TCHH: variants seen among roughly 807,000 people sequenced by gnomAD.
TCHH encodes trichohyalin.
A neutral mutation model predicts 6.3 loss-of-function variants in TCHH; 6 were observed. The ratio of observed to expected loss-of-function variants is 0.95; its 90% CI spans 0.52 to 1.88. TCHH has a LOEUF of 1.88. Ranked by LOEUF, TCHH falls within the 40% of genes most tolerant of loss-of-function variation. TCHH has a pLI of 0.01. For synonymous variants in TCHH, 1,087 were observed against 963.6 expected (o/e 1.13, Z -2.37); for missense variants, 2,920 against 2,449.1 (o/e 1.19, Z -4.06).
chr1:152,108,159 G>C lies in TCHH; in HGVS notation c.5058C>G (p.Arg1686=), dbSNP rs746027105. The part of the protein sequence containing the change: ...LQEGEEQQLR[R]QERDRKFREE... The stretch of plus-strand genomic sequence containing the variant: ...CGCGGAATTTTCTGTCACGCTCTTG[G>C]CGGCGCAGCTGCTGTTCCTCCCCTT... Residue 1686 remains arginine, a synonymous_variant, in exon 3 of 3, where the codon CGC becomes CGG. Transcript: ENST00000614923. 7 of 1,613,464 alleles carry C rather than the reference G, an allele frequency of 4.3e-6. No individual in the cohort carries two copies. The highest frequency in any genetic ancestry group is 5.9e-6 in the Non-Finnish European group (7 of 1,179,948).
chr1:152,107,659 G>A lies in TCHH; in HGVS notation c.5558C>T (p.Thr1853Met). Reference sequence around the variant, plus strand: ...TTCCTCACGACGACTCTTCTCCTGCGTGGCAAACTGCTCCTCCGCCCGGTA... The same window carrying A: ...TTCCTCACGACGACTCTTCTCCTGCATGGCAAACTGCTCCTCCGCCCGGTA... Reference protein sequence around the residue: ...RQYRAEEQFATQEKSRREEQE... With the variant: ...RQYRAEEQFAMQEKSRREEQE... The change falls in exon 3 of 3, where the codon ACG becomes ATG. Residue 1853 changes from threonine to methionine, a missense_variant. By Grantham distance (81) the Thr-to-Met change is moderately conservative (BLOSUM62 -1). Transcript: ENST00000614923. 6.2e-7 allele frequency: 1 copy of A among 1,613,684 alleles called. No homozygotes were observed. The highest frequency in any genetic ancestry group is 8.5e-7 in the Non-Finnish European group (1 of 1,180,016).
chr1:152,112,766 C>T lies in TCHH; in HGVS notation c.451G>A (p.Gly151Arg), dbSNP rs369999338. Reference protein sequence around the residue: ...RQEQERELAEGEEQSEKQERL... With the variant: ...RQEQERELAEREEQSEKQERL... Reference sequence around the variant, plus strand: ...TCTTGTTTCTCACTTTGCTCCTCTCCCTCAGCTAGCTCCCTCTCCTGTTCC... The same window carrying T: ...TCTTGTTTCTCACTTTGCTCCTCTCTCTCAGCTAGCTCCCTCTCCTGTTCC... The change falls in exon 3 of 3, where the codon GGA becomes AGA. Residue 151 changes from glycine (G) to arginine (R), a missense_variant. Coordinates refer to ENST00000614923, the MANE Select transcript of TCHH (RefSeq NM_007113.4). 1.2e-6 allele frequency: 2 copies of T among 1,613,960 alleles called. No homozygotes were observed. The highest frequency in any genetic ancestry group is 1.3e-5 in the African/African-American group (1 of 74,890).
Position 152,108,981 on chromosome 1 carries a change from G to C in TCHH, c.4236C>G (p.Arg1412=), listed in dbSNP as rs752898011. 1.3e-5 allele frequency: 20 copies of C among 1,565,476 alleles called. No individual in the cohort carries two copies. The highest frequency in any genetic ancestry group is 3.3e-5 in the African/African-American group (2 of 61,438). The change falls in exon 3 of 3, where the codon CGC becomes CGG. Residue 1412 remains arginine, a synonymous_variant. Transcript: ENST00000614923. Reference sequence around the variant, plus strand: ...GTTCCTCCTCGCGGAATTTTCTGTCGCGGTCCTGACGCAGCTGTTGCTCGC... The same window carrying C: ...GTTCCTCCTCGCGGAATTTTCTGTCCCGGTCCTGACGCAGCTGTTGCTCGC... The part of the protein sequence containing the change: ...QEREQQLRQD[R]DRKFREEEQQ...
chr1:152,109,305 T>G lies in TCHH; in HGVS notation c.3912A>C (p.Gln1304His). The G allele has an allele frequency of 1.9e-6, 3 of 1,614,222 alleles. No homozygotes were observed. Among genetic ancestry groups the G allele is most frequent in the Non-Finnish European group, 2.5e-6 (3 of 1,180,040 alleles). The change falls in exon 3 of 3, where the codon CAA becomes CAC. Residue 1304 changes from glutamine (Q) to histidine (H), a missense_variant. Transcript: ENST00000614923. ...TCCTGTCGCGCCTTTTGGCTTCCTT[T>G]TGCTCTTCTCGCTCCAGCTGTTCTT... ...PEEEQLEREE[Q>H]KEAKRRDRKS...
At position 152,107,806 on chromosome 1, in the gene TCHH, C is replaced by T. The variant is rs781211849; in HGVS notation, c.5411G>A (p.Arg1804His). 16 of 1,613,020 alleles carry T rather than the reference C, an allele frequency of 9.9e-6. No homozygotes were observed. Among genetic ancestry groups the T allele is most frequent in the Non-Finnish European group, 1.1e-5 (13 of 1,179,680 alleles). ...CAGCTGCTGTTCTTCCCTCTCCTGG[C>T]GTAGCTGTTCCTCCTCGCGGAATTT... ...DRKFREEEQLRQEREEQQLRP... is the reference protein window; with the variant it reads ...DRKFREEEQLHQEREEQQLRP... The change falls in exon 3 of 3, where the codon CGC (arginine) becomes CAC (histidine). Residue 1804 changes from arginine to histidine, a missense_variant. Transcript: ENST00000614923.
Position 152,108,232 on chromosome 1 carries a change from C to T in TCHH, c.4985G>A (p.Arg1662His). ...LRRQEREQQL[R>H]HDRDRKFREE... is the part of the protein sequence containing the mutation. ...ACGGAATTTTCTGTCGCGGTCGTGACGCAGCTGTTGTTCGCGCTCCTGGCG... is the reference window on the plus strand; with the variant it reads ...ACGGAATTTTCTGTCGCGGTCGTGATGCAGCTGTTGTTCGCGCTCCTGGCG... The change falls in exon 3 of 3, where the codon CGT becomes CAT. Residue 1662 changes from arginine to histidine, a missense_variant. By Grantham distance (29) the Arg-to-His change is conservative (BLOSUM62 0). Coordinates refer to ENST00000614923, the MANE Select transcript of TCHH (RefSeq NM_007113.4). 1.9e-6 allele frequency: 3 copies of T among 1,611,500 alleles called. No homozygotes were observed. The highest frequency in any genetic ancestry group is 1.1e-5 in the South Asian group (1 of 90,876).
In TCHH at chr1:152,108,392, C is replaced by G. The variant is rs918589098; in HGVS notation, c.4825G>C (p.Gly1609Arg). ...CGCTCCTGGCGCAGCTGTTGTTGGCCCTCCTGGCGGCGCAGCTGCTGTTCG... is the reference window on the plus strand; with the variant it reads ...CGCTCCTGGCGCAGCTGTTGTTGGCGCTCCTGGCGGCGCAGCTGCTGTTCG... Reference protein sequence around the residue: ...EDEQQLRRQEGQQQLRQERDR... With the variant: ...EDEQQLRRQERQQQLRQERDR... Residue 1609 changes from glycine (G) to arginine (R), a missense_variant, in exon 3 of 3, where the codon GGC becomes CGC. Coordinates refer to ENST00000614923, the MANE Select transcript of TCHH (RefSeq NM_007113.4). 1.3e-6 allele frequency: 2 copies of G among 1,588,686 alleles called. No individual in the cohort carries two copies. Among genetic ancestry groups the G allele is most frequent in the Non-Finnish European group, 1.7e-6 (2 of 1,169,322 alleles).
At position 152,110,655 on chromosome 1, in the gene TCHH, G is replaced by GTCC. The variant is rs758844690; in HGVS notation, c.2559_2561dup (p.Glu853dup). 7.4e-6 allele frequency: 12 copies of GTCC among 1,612,738 alleles called. No homozygotes were observed. Among genetic ancestry groups the GTCC allele is most frequent in the African/African-American group, 6.7e-5 (5 of 74,562 alleles). On this transcript the variant is annotated inframe_insertion, in exon 3 of 3. Coordinates refer to ENST00000614923, the MANE Select transcript of TCHH (RefSeq NM_007113.4). ...TCCTCTCCTGATCCTCCTGGAGGCCGTCCTCCTCCTCCTGGAGCTGTTGGG... is the reference window on the plus strand; with the variant it reads ...TCCTCTCCTGATCCTCCTGGAGGCCGTCCTCCTCCTCCTCCTGGAGCTGTTGGG...
At position 152,107,477 on chromosome 1, in the gene TCHH, C is replaced by A. The variant is rs775670601; in HGVS notation, c.5740G>T (p.Glu1914Ter). The change falls in exon 3 of 3, where the codon GAG (glutamate) becomes TAG (stop). Residue 1914 changes from glutamate to a stop codon, truncating the protein, a stop_gained. Transcript: ENST00000614923. LOFTEE classifies it high-confidence loss of function. Reference protein sequence around the residue: ...QEGKGHGRLLEPGTHQFASVP... With the variant: ...QEGKGHGRLL ...CTGGCAAACTGATGAGTGCCGGGCT[C>A]CAGAAGCCGCCCATGGCCCTTCCCT... is the stretch of plus-strand genomic sequence containing the variant. 1.2e-6 allele frequency: 2 copies of A among 1,614,150 alleles called. No individual in the cohort carries two copies. The highest frequency in any genetic ancestry group is 1.7e-6 in the Non-Finnish European group (2 of 1,180,006).
At chr1:152,114,336 CT>C (rs1301476589) in intron 1 of TCHH, among the ~76,000 whole-genome samples, 6 of 152,236 alleles carry the variant, frequency 3.9e-5, no homozygotes, top group African/African-American at 1.4e-4. Flanking sequence ...CTGTTGTCAG[CT>C]TTTGATTGTC....
chr1:152,114,846 C>T (rs544825768), intron 1 of TCHH, among the ~76,000 whole-genome samples: 1 of 152,270 alleles, frequency 6.6e-6, no homozygotes, highest in South Asian at 2.1e-4. Flanking sequence ...AAACGGAATC[C>T]AGAAAACTGT....
rs1205226376 is a variant in TCHH, at chr1:152,110,425, C to T, written c.2792G>A (p.Arg931His). ...RRRQEQERQY[R>H]EEEQLQQEEE... ...CTCCTGCTGCAGCTGCTCTTCCTCG[C>T]GGTATTGTCTCTCCTGTTCTTGGCG... Residue 931 changes from arginine (R) to histidine (H), a missense_variant, in exon 3 of 3, where the codon CGC (arginine) becomes CAC (histidine). Arg to His is a conservative substitution (Grantham distance 29). Transcript: ENST00000614923. The T allele has an allele frequency of 6.2e-7, 1 of 1,613,896 alleles. No homozygotes were observed. The highest frequency in any genetic ancestry group is 8.5e-7 in the Non-Finnish European group (1 of 1,179,808).
rs1217548115 is a variant in TCHH, at chr1:152,111,914, C to T, written c.1303G>A (p.Glu435Lys). The change falls in exon 3 of 3, where the codon GAG becomes AAG. Residue 435 changes from glutamate to lysine, a missense_variant. Physicochemically the swap from Glu to Lys is moderately conservative, Grantham distance 56 (BLOSUM62 1). Transcript: ENST00000614923. Reference protein sequence around the residue: ...LRREQEEERHEQKHEQERREQ... With the variant: ...LRREQEEERHKQKHEQERREQ... Reference sequence around the variant, plus strand: ...CGCCTCTCCTGCTCGTGCTTCTGCTCGTGCCTCTCCTCCTCCTGCTCGCGC... The same window carrying T: ...CGCCTCTCCTGCTCGTGCTTCTGCTTGTGCCTCTCCTCCTCCTGCTCGCGC... 6.4e-7 allele frequency: 1 copy of T among 1,560,230 alleles called. No individual in the cohort carries two copies. The highest frequency in any genetic ancestry group is 1.1e-5 in the South Asian group (1 of 89,758).
At position 152,107,352 on chromosome 1, in the gene TCHH, C is replaced by CT; in HGVS notation, c.*32dup. On this transcript the variant is annotated 3_prime_UTR_variant, in exon 3 of 3. Transcript: ENST00000614923. The stretch of plus-strand genomic sequence containing the variant: ...GTTTCTCATTTTCCCGTGCTCGAAG[C>CT]TTTGGCAGGTGTCAAGATATTGGCA... The CT allele has an allele frequency of 3.3e-6, 5 of 1,511,654 alleles. No individual in the cohort carries two copies. The highest frequency in any genetic ancestry group is 4.4e-6 in the Non-Finnish European group (5 of 1,130,142). 93.6% of individuals were successfully genotyped at this position (1,511,654 alleles called of 1,614,324 possible).
At position 152,114,019 on chromosome 1, in the gene TCHH, T is replaced by C. The variant is rs1328098143; in HGVS notation, c.62A>G (p.His21Arg). Reference protein sequence around the residue: ...ITEIFNQYVSHDCDGAALTKK... With the variant: ...ITEIFNQYVSRDCDGAALTKK... ...AGTTAATGCTGCTCCATCACAATCATGAGAGACATACTGATTGAAAATTTC... is the reference window on the plus strand; with the variant it reads ...AGTTAATGCTGCTCCATCACAATCACGAGAGACATACTGATTGAAAATTTC... The change falls in exon 2 of 3, where the codon CAT becomes CGT. Residue 21 changes from histidine (H) to arginine (R), a missense_variant. Transcript: ENST00000614923. 2.5e-6 allele frequency: 4 copies of C among 1,613,812 alleles called. No individual in the cohort carries two copies. Among genetic ancestry groups the C allele is most frequent in the Non-Finnish European group, 2.5e-6 (3 of 1,179,934 alleles).
chr1:152,107,636 C>T lies in TCHH; in HGVS notation c.5581G>A (p.Glu1861Lys), dbSNP rs752015114. 3 of 1,614,048 alleles carry T rather than the reference C, an allele frequency of 1.9e-6. No homozygotes were observed. The highest frequency in any genetic ancestry group is 2.7e-5 in the African/African-American group (2 of 74,928). The stretch of plus-strand genomic sequence containing the variant: ...TCCTCTTCTTGCCATAGTTCTTGTT[C>T]CTCACGACGACTCTTCTCCTGCGTG... ...FATQEKSRRE[E>K]QELWQEEEQK... Residue 1861 changes from glutamate (E) to lysine (K), a missense_variant, in exon 3 of 3, where the codon GAA (glutamate) becomes AAA (lysine). By Grantham distance (56) the Glu-to-Lys change is moderately conservative (BLOSUM62 1). Coordinates refer to ENST00000614923, the MANE Select transcript of TCHH (RefSeq NM_007113.4).
rs759617891 is a variant in TCHH, at chr1:152,112,497, C to T, written c.720G>A (p.Glu240=). ...RRERQDRVFQ[E]EEEKEWRKRE... ...GCTTCCTCCACTCTTTCTCTTCTTC[C>T]TCCTGGAACACTCTGTCTTGCCGCT... The change falls in exon 3 of 3, where the codon GAG becomes GAA. Residue 240 remains glutamate, a synonymous_variant. Transcript: ENST00000614923. 11 of 1,613,394 alleles carry T rather than the reference C, an allele frequency of 6.8e-6. No individual in the cohort carries two copies. The highest frequency in any genetic ancestry group is 2.2e-5 in the East Asian group (1 of 44,864).
In TCHH at chr1:152,108,777, G is replaced by C; in HGVS notation, c.4440C>G (p.Arg1480=). ...LQEREEQQLH[R]QERDRKFLEE... is the part of the protein sequence containing the mutation. Reference sequence around the variant, plus strand: ...CCAGGAATTTTCTGTCACGCTCTTGGCGGTGCAGCTGCTGTTCTTCCCTTT... The same window carrying C: ...CCAGGAATTTTCTGTCACGCTCTTGCCGGTGCAGCTGCTGTTCTTCCCTTT... Residue 1480 remains arginine, a synonymous_variant, in exon 3 of 3, where the codon CGC becomes CGG. Transcript: ENST00000614923. 1.2e-6 allele frequency: 2 copies of C among 1,612,284 alleles called. No individual in the cohort carries two copies. The highest frequency in any genetic ancestry group is 1.7e-6 in the Non-Finnish European group (2 of 1,179,678).
rs375828045 is a variant in TCHH, at chr1:152,112,880, G to T, written c.337C>A (p.Arg113Ser). The change falls in exon 3 of 3, where the codon CGC becomes AGC. Residue 113 changes from arginine to serine, a missense_variant. Arg to Ser is a moderately radical substitution (Grantham distance 110). Coordinates refer to ENST00000614923, the MANE Select transcript of TCHH (RefSeq NM_007113.4). ...CTCCTTTGGTCTTCTTCTTGCCTGCGATCTTGTAACAGGCTCTCCTTTCCG... is the reference window on the plus strand; with the variant it reads ...CTCCTTTGGTCTTCTTCTTGCCTGCTATCTTGTAACAGGCTCTCCTTTCCG... ...CDGKESLLQD[R>S]RQEEDQRRFE... 3.7e-6 allele frequency: 6 copies of T among 1,613,658 alleles called. No individual in the cohort carries two copies. The African/African-American group carries it at 8.0e-5, about 22-fold the overall frequency.
Sources: gnomAD v4.1 joint callset for allele counts (sites outside exome capture counted in the v4.1 genomes callset) on GRCh38, gnomAD v4.1.1 for gene constraint, MANE v1.5 for transcripts, NCBI Gene and HGNC (gene_info 2026-07-23, HGNC 2026-07-21) for gene names.